The following KPNA7 variants were observed in gnomAD, a reference collection of about 807,000 sequenced individuals.
KPNA7 encodes the protein importin subunit alpha-8.
KPNA7 carries 54 observed loss-of-function variants against 53.7 expected under a neutral mutation model. The observed-to-expected ratio is 1.01, with a 90% confidence interval of 0.81 to 1.26. The LOEUF (loss-of-function observed/expected upper bound fraction) is 1.26, where lower values mean the gene tolerates loss of function less well. Among genes scored for constraint, KPNA7 ranks in the 50% most tolerant of loss-of-function variants. KPNA7 has a pLI of 0.00. For synonymous variants in KPNA7, 276 were observed against 259.3 expected, an observed-to-expected ratio of 1.06 and a Z score of -0.62; for missense variants, 640 against 644.5, an observed-to-expected ratio of 0.99 and a Z score of 0.07.
upstream of KPNA7, among the ~76,000 whole-genome samples, chr7:99,212,643 C>T (rs556479664): frequency 5.9e-5 from 9 of 152,126 alleles, no homozygotes; most frequent in African/African-American, 2.2e-4. Flanking sequence ...CACCTATAGT[C>T]TCAACGCTTT....
chr7:99,160,226 C>A, the KPNA7 span, among the ~76,000 whole-genome samples: 3 of 151,916 alleles, frequency 2.0e-5, no homozygotes, highest in Non-Finnish European at 2.9e-5. Context: ...CGGGGTTTCA[C>A]CGTGTTAGCC....
At chr7:99,160,017 GTTTTTTTTTT>G in the KPNA7 span, among the ~76,000 whole-genome samples, 1 of 67,662 alleles carries the variant, frequency 1.5e-5, no homozygotes, top group East Asian at 4.8e-4. Context: ...TGTTGTTTTT[GTTTTTTTTTT>G]TTTTTTTTTT....
chr7:99,195,893 C>T (rs1790204572), intron 4 of KPNA7, among the ~76,000 whole-genome samples, 191 bp downstream of exon 4: 1 of 152,182 alleles, frequency 6.6e-6, no homozygotes, highest in African/African-American at 2.4e-5. Flanking sequence ...GACAACACAT[C>T]GAAGCTTTTA....
chr7:99,180,742 C>CGTGTCTCTCTCTCCCCCTCT (rs1799163188), intron 9 of KPNA7, among the ~76,000 whole-genome samples: 1 of 29,642 alleles, frequency 3.4e-5, no homozygotes, highest in African/African-American at 1.6e-4. Context: ...TCTCTCTCCC[C>CGTGTCTCTCTCTCCCCCTCT]GTGTCTCTCT....
the KPNA7 span, among the ~76,000 whole-genome samples, chr7:99,159,472 A>G: frequency 2.6e-5 from 4 of 151,922 alleles, no homozygotes; most frequent in Non-Finnish European, 4.4e-5. Flanking sequence ...CCAACTTTAC[A>G]TTATGGAGAA....
intron 3 of KPNA7, 107 bp downstream of exon 3, chr7:99,202,999 C>T: frequency 7.3e-7 from 1 of 1,364,694 alleles, no homozygotes; most frequent in Non-Finnish European, 9.9e-7. Flanking sequence ...TCTTTAAAAG[C>T]CCAAAACGAG....
At position 99,195,939 on chromosome 7, in the gene KPNA7, G is replaced by A. The variant is rs748589150; in HGVS notation, c.284+145C>T. On this transcript the variant is annotated intron_variant, in intron 4 of 10. Transcript: ENST00000327442. ...AAGGACAGTGTAGAATAGCAATTTC[G>A]TCTTTTAGATGGGCTAGCCTTTTCC... 70 of 647,678 alleles carry A rather than the reference G, an allele frequency of 1.1e-4. 1 individual carries two copies. The highest frequency in any genetic ancestry group is 2.9e-4 in the Admixed American group (11 of 37,490). The allele number at this position is 647,678 out of a possible 1,614,324, so 40.1% of individuals were successfully genotyped here.
chr7:99,200,497 A>C lies in KPNA7; in HGVS notation c.201+2609T>G, dbSNP rs528040936. Among the ~76,000 whole-genome samples the C allele has an allele frequency of 6.8e-4, 103 of 152,300 alleles. 1 individual carries two copies. The South Asian group carries it at 0.021, about 31-fold the overall frequency. On this transcript the variant is annotated intron_variant, in intron 3 of 10. Transcript: ENST00000327442. The stretch of plus-strand genomic sequence containing the variant: ...AATATTCACAGGTTTGGGGACTAGA[A>C]GATGCAGACACTTGGGGTGCCACGA...
intron 7 of KPNA7, among the ~76,000 whole-genome samples, chr7:99,186,747 C>A (rs535328709): frequency 6.6e-6 from 1 of 151,792 alleles, no homozygotes; most frequent in Non-Finnish European, 1.5e-5. Context: ...TGTCAAAAAA[C>A]AACAACAACA....
At chr7:99,196,191 C>T (rs1362461993) in intron 3 of KPNA7, 25 bp from the exon 4 acceptor site, 12 of 1,523,408 alleles carry the variant, frequency 7.9e-6, no homozygotes, top group Middle Eastern at 1.7e-4. Flanking sequence ...ACATTCAGGT[C>T]AGACTGTCTG....
intron 3 of KPNA7, 54 bp from the exon 4 acceptor site, chr7:99,196,220 A>T (rs1790224388): frequency 8.1e-7 from 1 of 1,240,526 alleles, no homozygotes; most frequent in African/African-American, 1.5e-5. Context: ...AGCTGTAAAC[A>T]TCACCTACTC....
chr7:99,182,171 T>A (rs569367580), intron 8 of KPNA7, 106 bp from the exon 9 acceptor site: 1 of 784,158 alleles, frequency 1.3e-6, no homozygotes, highest in Non-Finnish European at 2.0e-6. Flanking sequence ...CAGGACTGCA[T>A]GTACAATTTA....
chr7:99,156,727 G>A, the KPNA7 span, among the ~76,000 whole-genome samples: 4 of 152,030 alleles, frequency 2.6e-5, no homozygotes, highest in Admixed American at 1.3e-4. Context: ...GTTTCCTCAT[G>A]TTGGCCAAGC....
At chr7:99,160,017 G>GGTT in the KPNA7 span, among the ~76,000 whole-genome samples, 5 of 67,658 alleles carry the variant, frequency 7.4e-5, no homozygotes, top group Non-Finnish European at 1.4e-4. Context: ...TGTTGTTTTT[G>GGTT]TTTTTTTTTT....
the KPNA7 span, among the ~76,000 whole-genome samples, chr7:99,147,293 CA>C: frequency 1.5e-4 from 23 of 152,306 alleles, no homozygotes; most frequent in African/African-American, 4.1e-4. Flanking sequence ...GAAATGGAGA[CA>C]TCTCGAGTCA....
downstream of KPNA7, among the ~76,000 whole-genome samples, chr7:99,172,800 C>T (rs943571788): frequency 2.6e-5 from 4 of 151,520 alleles, no homozygotes; most frequent in Admixed American, 2.0e-4. Context: ...TGTTGGCTCA[C>T]GCCTGTAATC....
intron 9 of KPNA7, among the ~76,000 whole-genome samples, chr7:99,178,559 C>T (rs1363328711): frequency 6.6e-6 from 1 of 151,752 alleles, no homozygotes; most frequent in Non-Finnish European, 1.5e-5. Flanking sequence ...CAGCATAAGA[C>T]TCAGTCTCAA....
At chr7:99,158,434 A>G in the KPNA7 span, among the ~76,000 whole-genome samples, 1 of 151,474 alleles carries the variant, frequency 6.6e-6, no homozygotes, top group Non-Finnish European at 1.5e-5. Flanking sequence ...TATTTTTGCA[A>G]TTTTGCTCTA....
the KPNA7 span, among the ~76,000 whole-genome samples, chr7:99,152,651 A>G: frequency 6.6e-6 from 1 of 152,186 alleles, no homozygotes. Flanking sequence ...TGGTAACTTT[A>G]TTTCTTGTAA....
Sources: allele counts gnomAD v4.1 joint callset (sites outside exome capture counted in the v4.1 genomes callset), GRCh38; gene constraint gnomAD v4.1.1; transcripts MANE v1.5; gene names NCBI Gene and HGNC (gene_info 2026-07-23, HGNC 2026-07-21).